CPM: variants seen among roughly 807,000 people sequenced by gnomAD.
CPM encodes carboxypeptidase M.
In CPM, 35 loss-of-function variants were observed where a neutral mutation model predicts 46.4. The ratio of observed to expected loss-of-function variants is 0.75; its 90% CI spans 0.58 to 1.00. The LOEUF (loss-of-function observed/expected upper bound fraction) is 1.00. Ranked by LOEUF, CPM falls within the 50% of genes least tolerant of loss-of-function variation. CPM has a pLI of 0.00. For synonymous variants in CPM, 195 were observed against 195.3 expected (o/e 1.00, Z 0.01); for missense variants, 422 against 530.4 (o/e 0.80, Z 2.01).
chr12:68,957,124 G>A lies in CPM; in HGVS notation c.-4+6045C>T, dbSNP rs929992368. Among the ~76,000 whole-genome samples the A allele has an allele frequency of 4.6e-5, 7 of 152,056 alleles. No individual in the cohort carries two copies. The East Asian group carries it at 5.8e-4, about 13-fold the overall frequency. ...GTTTTATTCCTTTATTTGTAAAATC[G>A]TAGAGATTGTATCATAAAAATCCAG... On this transcript the variant is annotated intron_variant, in intron 1 of 8. Transcript: ENST00000546373.
At chr12:68,944,349 A>T (rs1289328716) in intron 1 of CPM, among the ~76,000 whole-genome samples, 1 of 152,192 alleles carries the variant, frequency 6.6e-6, no homozygotes, top group African/African-American at 2.4e-5. Context: ...TGCCATTTTG[A>T]TGCCTATTAC....
Position 68,845,074 on chromosome 12 carries a change from G to A in CPM, c.534-2745C>T, listed in dbSNP as rs139528097. 228 of 216,462 alleles carry A rather than the reference G, an allele frequency of 1.1e-3. 1 individual carries two copies. Among genetic ancestry groups the A allele is most frequent in the African/African-American group, 5.0e-3 (222 of 44,366 alleles). The allele number at this position is 216,462 out of a possible 1,614,324, so 13.4% of individuals were successfully genotyped here. On this transcript the variant is annotated intron_variant, in intron 5 of 5. Transcript: ENST00000551897. ...TGAGCCGCCACGCCCAGCCTAATAAGGGTTTTAAAGATAATTAGTGTGTAG... is the reference window on the plus strand; with the variant it reads ...TGAGCCGCCACGCCCAGCCTAATAAAGGTTTTAAAGATAATTAGTGTGTAG...
intron 1 of CPM, among the ~76,000 whole-genome samples, chr12:68,953,061 AG>A (rs1221233494): frequency 1.1e-4 from 16 of 152,230 alleles, no homozygotes; most frequent in African/African-American, 3.1e-4. Flanking sequence ...ATGTCAGGCC[AG>A]GAAGGCAGGT....
intron 3 of CPM, among the ~76,000 whole-genome samples, chr12:68,885,227 G>A (rs1010209039): frequency 1.3e-5 from 2 of 152,220 alleles, no homozygotes; most frequent in African/African-American, 4.8e-5. Context: ...TTATAGGTGT[G>A]AGCCACTGCA....
intron 4 of CPM, among the ~76,000 whole-genome samples, chr12:68,871,082 T>G (rs1885673462): frequency 2.0e-5 from 3 of 152,320 alleles, no homozygotes; most frequent in Admixed American, 1.3e-4. Flanking sequence ...GAATGTATAT[T>G]AGACATCTGA....
At chr12:68,865,030 GATA>G (rs1292955115) in intron 7 of CPM, among the ~76,000 whole-genome samples, 2 of 152,026 alleles carry the variant, frequency 1.3e-5, no homozygotes, top group East Asian at 3.9e-4. Flanking sequence ...TGATGATAAT[GATA>G]ATAATAGTAA....
intron 7 of CPM, among the ~76,000 whole-genome samples, chr12:68,860,158 C>G (rs1424757093): frequency 6.6e-6 from 1 of 152,170 alleles, no homozygotes. Context: ...CCTAGGTTGC[C>G]TTTTATTATA....
chr12:68,931,769 AAGAAAG>A (rs1888520250), intron 2 of CPM, among the ~76,000 whole-genome samples: 2 of 144,218 alleles, frequency 1.4e-5, no homozygotes, highest in African/African-American at 5.3e-5. Context: ...AAAAAAAAGA[AAGAAAG>A]AAAGAAAGAA....
At chr12:68,883,574 C>G (rs1886290654) in intron 3 of CPM, among the ~76,000 whole-genome samples, 1 of 152,132 alleles carries the variant, frequency 6.6e-6, no homozygotes, top group Non-Finnish European at 1.5e-5. Flanking sequence ...TCAGAGCGCA[C>G]TAGCGAGCCC....
chr12:68,869,564 T>C, intron 5 of CPM, 69 bp from the exon 6 acceptor site: 2 of 1,397,774 alleles, frequency 1.4e-6, no homozygotes, highest in South Asian at 2.7e-5. Flanking sequence ...AACACCATAT[T>C]AGCAAAGACA....
intron 2 of CPM, among the ~76,000 whole-genome samples, chr12:68,917,432 G>A (rs1296466108): frequency 1.3e-5 from 2 of 152,212 alleles, no homozygotes; most frequent in East Asian, 3.8e-4. Context: ...TATCTGGAGA[G>A]AAATATAATT....
chr12:68,954,440 C>T (rs531012995), intron 1 of CPM, among the ~76,000 whole-genome samples: 1 of 152,288 alleles, frequency 6.6e-6, no homozygotes, highest in Admixed American at 6.5e-5. Flanking sequence ...AAGCACTACC[C>T]TCTCTTGGCT....
intron 1 of CPM, among the ~76,000 whole-genome samples, chr12:68,949,529 G>A (rs1460318872): frequency 1.3e-5 from 2 of 152,202 alleles, no homozygotes; most frequent in Non-Finnish European, 2.9e-5. Context: ...ACTCCTGTAA[G>A]CTTCAGTTTC....
At chr12:68,893,226 C>A (rs1565783965) in intron 2 of CPM, among the ~76,000 whole-genome samples, 2 of 151,186 alleles carry the variant, frequency 1.3e-5, no homozygotes, top group Non-Finnish European at 1.5e-5. Context: ...TTGTACCATA[C>A]ACACCCTGTC....
rs1318086893 is a variant in CPM, at chr12:68,856,451, T to C, written c.1318A>G (p.Ile440Val). 1.2e-6 allele frequency: 2 copies of C among 1,613,494 alleles called. No individual in the cohort carries two copies. Among genetic ancestry groups the C allele is most frequent in the Admixed American group, 1.7e-5 (1 of 59,842 alleles). Residue 440 changes from isoleucine to valine, a missense_variant, in exon 9 of 9, where the codon ATA becomes GTA. Transcript: ENST00000551568. Reference protein sequence around the residue: ...LFLFLVSLLHIFFK With the variant: ...LFLFLVSLLHVFFK The stretch of plus-strand genomic sequence containing the variant: ...CACATTTTACTTTATTTGAAGAATA[T>C]GTGCAAAAGACTCACTAAAAATAAG...
intron 2 of CPM, among the ~76,000 whole-genome samples, chr12:68,924,190 T>C (rs1382935072): frequency 6.9e-6 from 1 of 145,146 alleles, no homozygotes; most frequent in African/African-American, 2.6e-5. Flanking sequence ...TGGGGAATAA[T>C]GTAAGCATGA....
intron 3 of CPM, among the ~76,000 whole-genome samples, chr12:68,876,350 C>A (rs905250857): frequency 1.3e-5 from 2 of 152,176 alleles, no homozygotes; most frequent in Admixed American, 6.5e-5. Context: ...TTTGGGCCAT[C>A]TTTTCCTGCC....
At chr12:68,864,565 T>C (rs533361127) in intron 7 of CPM, among the ~76,000 whole-genome samples, 1 of 152,368 alleles carries the variant, frequency 6.6e-6, no homozygotes, top group South Asian at 2.1e-4. Context: ...ATCAACATGA[T>C]ACTTCAAAGC....
intron 3 of CPM, among the ~76,000 whole-genome samples, chr12:68,881,050 C>G (rs1310416701): frequency 6.6e-6 from 1 of 152,156 alleles, no homozygotes; most frequent in African/African-American, 2.4e-5. Flanking sequence ...TGTAACAATA[C>G]TTGGCTGAAA....
Sources: gnomAD v4.1 joint callset for allele counts (sites outside exome capture counted in the v4.1 genomes callset) on GRCh38, gnomAD v4.1.1 for gene constraint, MANE v1.5 for transcripts, NCBI Gene and HGNC (gene_info 2026-07-23, HGNC 2026-07-21) for gene names.